Variants in PGGT1B observed in about 807,000 individuals in gnomAD.
The protein encoded by PGGT1B is geranylgeranyl transferase type-1 subunit beta.
Under a neutral mutation model 46.1 loss-of-function variants are expected in PGGT1B, and 30 were observed. The ratio of observed to expected loss-of-function variants is 0.65; its 90% confidence interval spans 0.49 to 0.88. The LOEUF (loss-of-function observed/expected upper bound fraction) is 0.88. PGGT1B is among the 40% of genes least tolerant of loss of function. The pLI, the probability that PGGT1B is intolerant of heterozygous loss-of-function variation, is 0.00. For missense variants in PGGT1B, 376 were observed against 455.9 expected (o/e 0.82, Z 1.60); for synonymous variants, 170 against 160.0 (o/e 1.06, Z -0.47).
At position 115,206,725 on chromosome 5, in the gene PGGT1B, A is replaced by T. The variant is rs1756077059; in HGVS notation, c.*5677T>A. On this transcript the variant is annotated 3_prime_UTR_variant, in exon 9 of 9. Coordinates refer to ENST00000419445, the MANE Select transcript of PGGT1B (RefSeq NM_005023.4). ...GATCCTTGAAAATGTATCATTGCCT[A>T]TTTGCATGTTTCTTTATGCTAAATC... 6.6e-6 allele frequency: 1 copy of T among 151,934 alleles called. No homozygotes were observed. Among genetic ancestry groups the T allele is most frequent in the Non-Finnish European group, 1.5e-5 (1 of 67,914 alleles). The allele number at this position is 151,934 out of a possible 1,614,324, so 9.4% of individuals were successfully genotyped here.
intron 5 of PGGT1B, among the ~76,000 whole-genome samples, chr5:115,235,281 GTAAA>G (rs1213393524): frequency 6.6e-6 from 1 of 151,926 alleles, no homozygotes; most frequent in African/African-American, 2.4e-5. Context: ...GTAAGTATAA[GTAAA>G]TAAATAAATG....
At chr5:115,212,700 G>T in intron 8 of PGGT1B, 117 bp from the exon 9 acceptor site, 1 of 607,976 alleles carries the variant, frequency 1.6e-6, no homozygotes, top group Non-Finnish European at 2.7e-6. Flanking sequence ...TTAGAGAAAT[G>T]CTAATATAGT....
intron 6 of PGGT1B, among the ~76,000 whole-genome samples, chr5:115,224,913 C>T (rs910359058): frequency 4.0e-5 from 6 of 150,166 alleles, no homozygotes; most frequent in Non-Finnish European, 5.9e-5. Flanking sequence ...AGAAAAGTGA[C>T]ATTTTGATAA....
intron 2 of PGGT1B, among the ~76,000 whole-genome samples, chr5:115,244,396 C>T (rs4643946): frequency 3.3e-5 from 4 of 119,468 alleles, no homozygotes; most frequent in African/African-American, 3.2e-5. Flanking sequence ...ACCCGGGAGG[C>T]GGAGCTTGCA....
chr5:115,238,059 T>C (rs768189632), intron 3 of PGGT1B, 50 bp from the exon 4 acceptor site: 84 of 1,314,062 alleles, frequency 6.4e-5, no homozygotes, highest in South Asian at 3.8e-4. Context: ...AATGAAAACT[T>C]ATTTCATTAA....
Position 115,241,608 on chromosome 5 carries a change from T to A in PGGT1B, c.260-2A>T. ...AACCACAGCGATTTAGATTTGATCC[T>A]AGAAAATAAAAGCATGTGCTTATTT... On this transcript the variant is annotated splice_acceptor_variant, in intron 2 of 8. Transcript: ENST00000419445. LOFTEE classifies it high-confidence loss of function. The A allele has an allele frequency of 1.2e-6, 2 of 1,604,358 alleles. No homozygotes were observed. Among genetic ancestry groups the A allele is most frequent in the Non-Finnish European group, 1.7e-6 (2 of 1,174,246 alleles).
Position 115,253,256 on chromosome 5 carries a change from C to T in PGGT1B, c.141-1G>A. 1 of 1,568,714 alleles carries T rather than the reference C, an allele frequency of 6.4e-7. No individual in the cohort carries two copies. The highest frequency in any genetic ancestry group is 1.2e-5 in the South Asian group (1 of 83,020). On this transcript the variant is annotated splice_acceptor_variant, in intron 1 of 8. Transcript: ENST00000419445. LOFTEE classifies it high-confidence loss of function. ...GAGTGCAAAAAATGCAATTGTCAAC[C>T]TAAAAGAAAAAAATGTAAAATTCCA... is the stretch of plus-strand genomic sequence containing the variant.
intron 5 of PGGT1B, among the ~76,000 whole-genome samples, chr5:115,233,519 G>T (rs1295471848): frequency 7.2e-6 from 1 of 138,196 alleles, no homozygotes; most frequent in Non-Finnish European, 1.6e-5. Context: ...CACTAAAATG[G>T]AATTCCTAAA....
At position 115,262,788 on chromosome 5, in the gene PGGT1B, G is replaced by A; in HGVS notation, c.64C>T (p.Arg22Trp). Residue 22 changes from arginine (R) to tryptophan (W), a missense_variant, in exon 1 of 9, where the codon CGG becomes TGG. Around this residue, in one of 2 missense-constraint regions of PGGT1B, gnomAD observed 154 missense variants for 142.3 expected, o/e 1.08. Transcript: ENST00000419445. ...TGGAAAAATCGCACGTGCCGATCCC[G>A]TAAGAAATCCAGCCGCTCTCCCTCA... ...SGEGERLDFL[R>W]DRHVRFFQRC... is the part of the protein sequence containing the mutation. 1.2e-6 allele frequency: 2 copies of A among 1,613,306 alleles called. No individual in the cohort carries two copies. Among genetic ancestry groups the A allele is most frequent in the Non-Finnish European group, 1.7e-6 (2 of 1,179,842 alleles).
chr5:115,262,630 C>A, intron 1 of PGGT1B, 82 bp downstream of exon 1: 1 of 1,482,376 alleles, frequency 6.7e-7, no homozygotes, highest in Non-Finnish European at 9.1e-7. Flanking sequence ...CTTCCGGCGC[C>A]CAGTTTGCGG....
chr5:115,222,441 T>C (rs2126995878), intron 6 of PGGT1B, among the ~76,000 whole-genome samples: 1 of 152,202 alleles, frequency 6.6e-6, no homozygotes, highest in African/African-American at 2.4e-5. Flanking sequence ...GATAAACAAG[T>C]TAGAAGCTGA....
intron 2 of PGGT1B, among the ~76,000 whole-genome samples, chr5:115,250,268 C>T (rs561374594): frequency 5.4e-4 from 82 of 152,198 alleles, no homozygotes; most frequent in African/African-American, 2.0e-3. Flanking sequence ...GCATATTCTA[C>T]CAGTTTGCAA....
At chr5:115,230,089 C>G (rs1206400193) in intron 6 of PGGT1B, among the ~76,000 whole-genome samples, 1 of 151,302 alleles carries the variant, frequency 6.6e-6, no homozygotes, top group African/African-American at 2.4e-5. Context: ...AACCACTTTC[C>G]CCCATATCTC....
intron 8 of PGGT1B, 122 bp from the exon 9 acceptor site, chr5:115,212,705 T>A: frequency 1.6e-6 from 1 of 618,830 alleles, no homozygotes; most frequent in Non-Finnish European, 2.7e-6. Flanking sequence ...GAAATGCTAA[T>A]ATAGTTTTAA....
intron 3 of PGGT1B, among the ~76,000 whole-genome samples, chr5:115,238,539 C>T (rs1266582145): frequency 4.0e-5 from 6 of 151,662 alleles, no homozygotes; most frequent in Non-Finnish European, 8.8e-5. Context: ...GTCAGAAAAG[C>T]ATATAGCCTT....
chr5:115,212,498 T>C lies in PGGT1B; in HGVS notation c.1038A>G (p.Val346=). Residue 346 remains valine, a synonymous_variant, in exon 9 of 9, where the codon GTA becomes GTG. Coordinates refer to ENST00000419445, the MANE Select transcript of PGGT1B (RefSeq NM_005023.4). Reference sequence around the variant, plus strand: ...GAAGGCGTTCAGAAGTCCGTGTGCTTACATTCAGAGCAGGATGAACTTTAC... The same window carrying C: ...GAAGGCGTTCAGAAGTCCGTGTGCTCACATTCAGAGCAGGATGAACTTTAC... ...GICKVHPALN[V]STRTSERLLD... 6.2e-7 allele frequency: 1 copy of C among 1,613,626 alleles called. No homozygotes were observed. The highest frequency in any genetic ancestry group is 1.3e-5 in the African/African-American group (1 of 75,020).
At chr5:115,248,060 C>G (rs1257875269) in intron 2 of PGGT1B, among the ~76,000 whole-genome samples, 1 of 152,088 alleles carries the variant, frequency 6.6e-6, no homozygotes, top group Admixed American at 6.6e-5. Context: ...AAAAGTGAGC[C>G]ATCTGAAGAA....
At chr5:115,244,614 CAG>C (rs1747730622) in intron 2 of PGGT1B, among the ~76,000 whole-genome samples, 2 of 151,350 alleles carry the variant, frequency 1.3e-5, no homozygotes, top group African/African-American at 2.4e-5. Flanking sequence ...ATTTTTGAGA[CAG>C]AGTCTTGCTC....
chr5:115,242,275 A>G (rs1363814233), intron 2 of PGGT1B, among the ~76,000 whole-genome samples: 1 of 152,216 alleles, frequency 6.6e-6, no homozygotes, highest in Non-Finnish European at 1.5e-5. Flanking sequence ...TATCAATGGA[A>G]TATAAGTTGG....
Sources: gnomAD v4.1 joint callset for allele counts (sites outside exome capture counted in the v4.1 genomes callset) on GRCh38, gnomAD v4.1.1 for gene constraint, gnomAD v4.1.1 regional missense constraint, MANE v1.5 for transcripts, NCBI Gene and HGNC (gene_info 2026-07-23, HGNC 2026-07-21) for gene names.